LARGE1: variants seen among roughly 807,000 people sequenced by gnomAD.
LARGE1 encodes LARGE xylosyl- and glucuronyltransferase 1, also known as xylosyl- and glucuronyltransferase LARGE1.
A neutral mutation model predicts 87.6 loss-of-function variants in LARGE1; 43 were observed. The ratio of observed to expected loss-of-function variants is 0.49; its 90% CI spans 0.38 to 0.63. LARGE1 has a LOEUF of 0.63. LARGE1 is among the 30% of genes least tolerant of loss of function. The pLI is 0.00. For synonymous variants in LARGE1, 434 were observed against 394.6 expected (o/e 1.10, Z -1.18); for missense variants, 802 against 1,000.2 (o/e 0.80, Z 2.67).
At chr22:33,188,189 T>C (rs1282563528) in intron 11 of LARGE1, among the ~76,000 whole-genome samples, 1 of 152,100 alleles carries the variant, frequency 6.6e-6, no homozygotes, top group Non-Finnish European at 1.5e-5. Flanking sequence ...ATAAATACTC[T>C]TGTTCATAAG....
At chr22:33,521,125 T>C (rs1381846340) in intron 6 of LARGE1, among the ~76,000 whole-genome samples, 1 of 152,196 alleles carries the variant, frequency 6.6e-6, no homozygotes, top group African/African-American at 2.4e-5. Context: ...CAGGAATGAC[T>C]ATAGGACAGT....
intron 1 of LARGE1, among the ~76,000 whole-genome samples, chr22:33,895,120 G>A (rs1266091637): frequency 2.6e-5 from 4 of 152,142 alleles, no homozygotes; most frequent in Non-Finnish European, 5.9e-5. Flanking sequence ...GGTGGGCAGA[G>A]TTGGCACCCT....
At chr22:33,427,839 G>A (rs1027687791) in intron 7 of LARGE1, among the ~76,000 whole-genome samples, 4 of 152,246 alleles carry the variant, frequency 2.6e-5, no homozygotes, top group Non-Finnish European at 4.4e-5. Flanking sequence ...GCTTGGGTAA[G>A]CTTTCCAAAA....
chr22:33,801,151 C>G (rs1453760830), intron 1 of LARGE1, among the ~76,000 whole-genome samples: 1 of 152,162 alleles, frequency 6.6e-6, no homozygotes. Context: ...GTAAGAAGTG[C>G]CTTTTGCCTC....
intron 6 of LARGE1, among the ~76,000 whole-genome samples, chr22:33,481,672 T>C (rs2069333860): frequency 6.6e-6 from 1 of 152,186 alleles, no homozygotes; most frequent in African/African-American, 2.4e-5. Context: ...AGAGATTTCA[T>C]TCAAGGTGGA....
intron 6 of LARGE1, among the ~76,000 whole-genome samples, chr22:33,455,813 T>C (rs577837671): frequency 1.7e-4 from 25 of 149,362 alleles, no homozygotes; most frequent in African/African-American, 5.9e-4. Flanking sequence ...GGAAGGATAG[T>C]AGAAGTCTCC....
chr22:33,293,649 C>T (rs948635707), intron 12 of LARGE1, among the ~76,000 whole-genome samples: 3 of 152,154 alleles, frequency 2.0e-5, no homozygotes, highest in South Asian at 2.1e-4. Context: ...CAGGAGGCTA[C>T]GATCTGTGTA....
At chr22:33,842,232 G>A (rs1000680037) in intron 1 of LARGE1, among the ~76,000 whole-genome samples, 8 of 152,066 alleles carry the variant, frequency 5.3e-5, no homozygotes, top group Non-Finnish European at 7.4e-5. Context: ...TGCCTTCGAC[G>A]CACGCTGTTG....
the LARGE1 span, among the ~76,000 whole-genome samples, chr22:33,098,538 G>A: frequency 8.5e-4 from 129 of 152,210 alleles, no homozygotes; most frequent in Middle Eastern, 3.4e-3. Context: ...GGAGAATGGC[G>A]TGAACCCAGG....
At chr22:33,438,026 G>T (rs1449143336) in intron 6 of LARGE1, among the ~76,000 whole-genome samples, 26 of 151,898 alleles carry the variant, frequency 1.7e-4, no homozygotes, top group Non-Finnish European at 2.4e-4. Context: ...TCCAATAAGG[G>T]TTCTGTCGGG....
At position 33,217,422 on chromosome 22, in the gene LARGE1, T is replaced by C. The variant is rs1925261329; in HGVS notation, c.1731-50590A>G. Among the ~76,000 whole-genome samples, 3 of 152,108 alleles carry C rather than the reference T, an allele frequency of 2.0e-5. No homozygotes were observed. The South Asian group carries it at 6.2e-4, about 32-fold the overall frequency. On this transcript the variant is annotated intron_variant, in intron 11 of 11. Coordinates refer to the LARGE1 transcript ENST00000608642. The stretch of plus-strand genomic sequence containing the variant: ...CAGGCAATTTTAGTGCACACTAAAG[T>C]TTGAGAACCACTGAAGTTGAGCTAT...
chr22:33,867,622 T>C (rs1333362282), intron 1 of LARGE1, among the ~76,000 whole-genome samples: 1 of 152,174 alleles, frequency 6.6e-6, no homozygotes, highest in Non-Finnish European at 1.5e-5. Flanking sequence ...TTTCATAGGT[T>C]TGCAGCTCCC....
intron 1 of LARGE1, among the ~76,000 whole-genome samples, chr22:33,871,932 T>C (rs963436898): frequency 9.6e-5 from 14 of 145,574 alleles, no homozygotes; most frequent in African/African-American, 3.3e-4. Flanking sequence ...TTAGTGTTAA[T>C]TGATCTAAAC....
intron 1 of LARGE1, among the ~76,000 whole-genome samples, chr22:33,835,932 C>T (rs114360351): frequency 0.011 from 1,630 of 152,270 alleles, 28 homozygotes; most frequent in African/African-American, 0.036. Flanking sequence ...GTATTAGCTC[C>T]GGTTTAGCTT....
intron 1 of LARGE1, among the ~76,000 whole-genome samples, chr22:33,785,601 A>C (rs2085616659): frequency 6.6e-6 from 1 of 152,206 alleles, no homozygotes; most frequent in Admixed American, 6.5e-5. Flanking sequence ...AGAAACAAAC[A>C]AAACTGTAAA....
At chr22:33,819,328 T>C (rs1467902378) in intron 1 of LARGE1, among the ~76,000 whole-genome samples, 1 of 152,172 alleles carries the variant, frequency 6.6e-6, no homozygotes, top group Non-Finnish European at 1.5e-5. Flanking sequence ...AATGAGCTAT[T>C]CCACACATAT....
At chr22:33,496,005 T>C (rs1423809246) in intron 6 of LARGE1, among the ~76,000 whole-genome samples, 1 of 152,128 alleles carries the variant, frequency 6.6e-6, no homozygotes, top group Non-Finnish European at 1.5e-5. Context: ...GAGTACTGAC[T>C]CACACAATCA....
intron 11 of LARGE1, 39 bp downstream of exon 11, chr22:33,316,046 C>T (rs372607027): frequency 1.3e-4 from 206 of 1,607,636 alleles, no homozygotes; most frequent in Non-Finnish European, 1.6e-4. Context: ...GTAACAGCCG[C>T]GGTGAGGAGA....
At chr22:33,769,188 G>A (rs942667495) in intron 1 of LARGE1, among the ~76,000 whole-genome samples, 19 of 152,236 alleles carry the variant, frequency 1.2e-4, no homozygotes, top group African/African-American at 4.1e-4. Context: ...TGGCTCTGAT[G>A]ATGTGCCCGA....
Sources: gnomAD v4.1 joint callset for allele counts (sites outside exome capture counted in the v4.1 genomes callset) on GRCh38, gnomAD v4.1.1 for gene constraint, MANE v1.5 for transcripts, NCBI Gene and HGNC (gene_info 2026-07-23, HGNC 2026-07-21) for gene names.